ATF6: variants seen among roughly 807,000 people sequenced by gnomAD.
ATF6 encodes the protein activating transcription factor 6, also known as cyclic AMP-dependent transcription factor ATF-6 alpha.
A neutral mutation model predicts 83.6 loss-of-function variants in ATF6; 53 were observed. The observed-to-expected ratio is 0.63, with a 90% confidence interval of 0.51 to 0.80. The LOEUF (loss-of-function observed/expected upper bound fraction) is 0.80, where lower values mean the gene tolerates loss of function less well. Ranked by LOEUF, ATF6 falls within the 30% of genes least tolerant of loss-of-function variation. ATF6 has a pLI of 0.00. For missense variants in ATF6, 744 were observed against 797.9 expected (o/e 0.93, Z 0.81); for synonymous variants, 288 against 285.8 (o/e 1.01, Z -0.08).
In ATF6 at chr1:161,805,810, C is replaced by CA. The variant is rs35124741; in HGVS notation, c.909+3551dup. 3.3e-3 allele frequency among the ~76,000 whole-genome samples: 470 copies of CA among 144,232 alleles called. 1 individual carries two copies. Among genetic ancestry groups the CA allele is most frequent in the African/African-American group, 9.0e-3 (360 of 39,878 alleles). The allele number at this position is 144,232 out of a possible 152,430, so 94.6% of individuals were successfully genotyped here. ...GTATGGTGAAAGAATTGTAATCCAC[C>CA]AAAAAAAAAAAAATCATATCAGTTT... On this transcript the variant is annotated intron_variant, in intron 7 of 15. Transcript: ENST00000367942.
intron 14 of ATF6, among the ~76,000 whole-genome samples, chr1:161,892,866 G>A (rs1012080549): frequency 3.3e-5 from 5 of 152,146 alleles, no homozygotes. Flanking sequence ...TCGAACTCCT[G>A]ACCTCAGGTG....
intron 2 of ATF6, among the ~76,000 whole-genome samples, chr1:161,780,858 C>T (rs546291006): frequency 7.2e-4 from 109 of 152,120 alleles, no homozygotes; most frequent in African/African-American, 2.5e-3. Flanking sequence ...CGTAGGTGCA[C>T]GCCACTATGC....
chr1:161,845,045 G>T (rs1236937294), intron 9 of ATF6, among the ~76,000 whole-genome samples: 1 of 152,216 alleles, frequency 6.6e-6, no homozygotes, highest in East Asian at 1.9e-4. Context: ...TGAAGAGTTT[G>T]CAGTATGCCC....
At chr1:161,850,621 C>T (rs1051081716) in intron 10 of ATF6, among the ~76,000 whole-genome samples, 1 of 152,222 alleles carries the variant, frequency 6.6e-6, no homozygotes, top group African/African-American at 2.4e-5. Flanking sequence ...TTGATTCTCT[C>T]ATTCCCTACT....
chr1:161,947,324 C>G lies in ATF6; in HGVS notation c.1805-11122C>G, dbSNP rs533906269. ...AAGGGAGATTCTTGCTAGATGGACT[C>G]AACAGAATTCTTGCTGAAGGCAGGC... On this transcript the variant is annotated intron_variant, in intron 15 of 15. Transcript: ENST00000367942. Among the ~76,000 whole-genome samples the G allele has an allele frequency of 2.0e-5, 3 of 152,272 alleles. No individual in the cohort carries two copies. In the South Asian group the frequency reaches 6.2e-4, roughly 32 times the overall value.
At chr1:161,836,489 T>C (rs930982252) in intron 9 of ATF6, among the ~76,000 whole-genome samples, 1 of 152,244 alleles carries the variant, frequency 6.6e-6, no homozygotes, top group African/African-American at 2.4e-5. Context: ...GAGTACCAGG[T>C]GTTACTGAAT....
At chr1:161,863,177 C>A (rs1264011307) in intron 13 of ATF6, 21 bp from the exon 14 acceptor site, 2 of 1,406,748 alleles carry the variant, frequency 1.4e-6, no homozygotes, top group Non-Finnish European at 2.0e-6. Flanking sequence ...TTAGTAATAC[C>A]TTATATTTTT....
chr1:161,938,291 A>T (rs1571249907), intron 15 of ATF6, among the ~76,000 whole-genome samples: 1 of 152,222 alleles, frequency 6.6e-6, no homozygotes, highest in African/African-American at 2.4e-5. Flanking sequence ...AGTGTCAAGT[A>T]TAGATTTGCG....
intron 9 of ATF6, among the ~76,000 whole-genome samples, chr1:161,831,725 C>T (rs892543280): frequency 3.5e-5 from 5 of 140,968 alleles, no homozygotes; most frequent in African/African-American, 1.3e-4. Context: ...TGTTCTCACT[C>T]ATAGGTGGGA....
At chr1:161,956,592 G>T (rs948107959) in intron 15 of ATF6, among the ~76,000 whole-genome samples, 4 of 152,172 alleles carry the variant, frequency 2.6e-5, no homozygotes, top group Non-Finnish European at 1.5e-5. Context: ...CCATAACAGC[G>T]GTCTTAAAGA....
chr1:161,870,173 C>T (rs1029159165), intron 14 of ATF6, among the ~76,000 whole-genome samples: 50 of 151,734 alleles, frequency 3.3e-4, no homozygotes, highest in African/African-American at 1.1e-3. Context: ...AGATTCATTA[C>T]ACAACTTCAA....
Position 161,958,808 on chromosome 1 carries a change from A to AT in ATF6, c.*159dup. The AT allele has an allele frequency of 1.6e-6, 1 of 609,054 alleles. No homozygotes were observed. 37.7% of individuals were successfully genotyped at this position (609,054 alleles called of 1,614,324 possible). ...AAGAAGAAATAAAAGAAGCTGCTCC[A>AT]TTTTTCATCATCTACCCATCTATTT... On this transcript the variant is annotated 3_prime_UTR_variant, in exon 16 of 16. Coordinates refer to ENST00000367942, the MANE Select transcript of ATF6 (RefSeq NM_007348.4).
At chr1:161,767,780 G>A (rs1280778630) in intron 1 of ATF6, among the ~76,000 whole-genome samples, 2 of 152,174 alleles carry the variant, frequency 1.3e-5, no homozygotes, top group African/African-American at 4.8e-5. Flanking sequence ...TTATTAATAA[G>A]ACTACTTGAA....
intron 14 of ATF6, among the ~76,000 whole-genome samples, chr1:161,882,934 G>T (rs1470936828): frequency 6.6e-6 from 1 of 151,876 alleles, no homozygotes; most frequent in Non-Finnish European, 1.5e-5. Flanking sequence ...GATTGACCTT[G>T]GAAGCATATG....
At chr1:161,941,913 T>G (rs746272867) in intron 15 of ATF6, among the ~76,000 whole-genome samples, 2 of 152,140 alleles carry the variant, frequency 1.3e-5, no homozygotes, top group African/African-American at 2.4e-5. Context: ...TCTCATCCAC[T>G]GTCTTCTTTG....
intron 14 of ATF6, among the ~76,000 whole-genome samples, chr1:161,896,307 G>A (rs1000433096): frequency 3.9e-5 from 6 of 152,178 alleles, no homozygotes; most frequent in Non-Finnish European, 7.3e-5. Flanking sequence ...ACATTGGCCA[G>A]GCTGGTCTTG....
intron 12 of ATF6, among the ~76,000 whole-genome samples, chr1:161,859,264 G>T (rs1197650948): frequency 1.3e-5 from 2 of 152,094 alleles, no homozygotes; most frequent in African/African-American, 4.8e-5. Flanking sequence ...CTGCATATTG[G>T]TTCCATCCAC....
chr1:161,920,292 C>CTTTTTTTT (rs1322896918), intron 15 of ATF6, among the ~76,000 whole-genome samples: 240 of 19,718 alleles, frequency 0.012, 3 homozygotes, highest in African/African-American at 0.042. Context: ...CTCTCTCTCT[C>CTTTTTTTT]TCTTTTTTTT....
At chr1:161,831,748 G>T (rs1020000201) in intron 9 of ATF6, among the ~76,000 whole-genome samples, 3 of 138,690 alleles carry the variant, frequency 2.2e-5, no homozygotes, top group African/African-American at 7.9e-5. Context: ...TGAACAGTGA[G>T]AGCAGTTGGA....
Sources: gnomAD v4.1 joint callset for allele counts (sites outside exome capture counted in the v4.1 genomes callset) on GRCh38, gnomAD v4.1.1 for gene constraint, MANE v1.5 for transcripts, NCBI Gene and HGNC (gene_info 2026-07-23, HGNC 2026-07-21) for gene names.